The following AGAP1 variants were observed in gnomAD, a reference collection of about 807,000 sequenced individuals.
The protein encoded by AGAP1 is ArfGAP with GTPase domain, ankyrin repeat and PH domain 1, also known as arf-GAP with GTPase, ANK repeat and PH domain-containing protein 1.
In AGAP1, 29 loss-of-function variants were observed where a neutral mutation model predicts 105.3. The ratio of observed to expected loss-of-function variants is 0.28; its 90% CI spans 0.21 to 0.38. AGAP1 has a LOEUF of 0.38. Among genes scored for constraint, AGAP1 ranks in the 10% least tolerant of loss-of-function variants. The pLI is 1.00. For synonymous variants in AGAP1, 509 were observed against 485.9 expected (o/e 1.05, Z -0.63); for missense variants, 998 against 1,165.1 (o/e 0.86, Z 2.09).
At chr2:235,513,064 G>T (rs572054209) in intron 1 of AGAP1, among the ~76,000 whole-genome samples, 19 of 151,520 alleles carry the variant, frequency 1.3e-4, no homozygotes, top group African/African-American at 3.7e-4. Flanking sequence ...AGAAAATCTA[G>T]TTTGCACTTT....
At chr2:235,500,290 C>T (rs966220421) in intron 1 of AGAP1, among the ~76,000 whole-genome samples, 6 of 152,026 alleles carry the variant, frequency 3.9e-5, no homozygotes, top group East Asian at 1.9e-4. Flanking sequence ...CGAGAGCAAA[C>T]GTGAGTGTGT....
intron 13 of AGAP1, among the ~76,000 whole-genome samples, chr2:236,011,968 TTGA>T (rs2056527712): frequency 6.6e-6 from 1 of 152,036 alleles, no homozygotes; most frequent in African/African-American, 2.4e-5. Context: ...CAAGGTGTTA[TTGA>T]TGATAATAGG....
At chr2:235,884,452 G>GT (rs35976413) in intron 10 of AGAP1, among the ~76,000 whole-genome samples, 6,267 of 124,620 alleles carry the variant, frequency 0.05, 562 homozygotes, top group African/African-American at 0.17. Flanking sequence ...ATTTTTCACT[G>GT]TTTTTTTTTT....
At chr2:235,628,156 T>C (rs1464172174) in intron 1 of AGAP1, among the ~76,000 whole-genome samples, 2 of 152,048 alleles carry the variant, frequency 1.3e-5, no homozygotes, top group African/African-American at 4.8e-5. Context: ...AGTTCAGTGG[T>C]GAGCGGATGG....
At chr2:235,890,209 A>G (rs1806955) in intron 10 of AGAP1, among the ~76,000 whole-genome samples, 64,121 of 148,192 alleles carry the variant, frequency 0.43, 14,179 homozygotes, top group South Asian at 0.73. Context: ...CCCCCAGGCT[A>G]GAGTGCAGTG....
intron 13 of AGAP1, among the ~76,000 whole-genome samples, chr2:236,024,439 C>G (rs2056987429): frequency 6.6e-6 from 1 of 152,156 alleles, no homozygotes; most frequent in Non-Finnish European, 1.5e-5. Context: ...TCCCCAGACC[C>G]TTTCCCTGAG....
chr2:236,065,683 A>C (rs1416183246), intron 16 of AGAP1, among the ~76,000 whole-genome samples: 1 of 152,212 alleles, frequency 6.6e-6, no homozygotes, highest in African/African-American at 2.4e-5. Context: ...TTGTTGCCGG[A>C]ACACATCATC....
intron 1 of AGAP1, among the ~76,000 whole-genome samples, chr2:235,647,088 A>T (rs1207166446): frequency 2.0e-5 from 3 of 150,618 alleles, no homozygotes; most frequent in African/African-American, 7.3e-5. Context: ...GTGAACCGAG[A>T]TTGCGCCACT....
In AGAP1 at chr2:235,640,959, C is replaced by T. The variant is rs1475582378; in HGVS notation, c.164-68220C>T. Among the ~76,000 whole-genome samples, 3 of 152,338 alleles carry T rather than the reference C, an allele frequency of 2.0e-5. No homozygotes were observed. The South Asian group carries it at 6.2e-4, about 32-fold the overall frequency. ...CTCCACCTGTTTTCCTGCCTAATAA[C>T]AGTGTCTTTTATAGTTGTCTGATAA... On this transcript the variant is annotated intron_variant, in intron 1 of 17. Coordinates refer to ENST00000304032, the MANE Select transcript of AGAP1 (RefSeq NM_001037131.3).
chr2:235,526,453 C>T (rs1942842313), intron 1 of AGAP1, among the ~76,000 whole-genome samples: 1 of 152,232 alleles, frequency 6.6e-6, no homozygotes. Flanking sequence ...TTATAACTCA[C>T]ACCTGTTTAC....
chr2:235,892,801 C>G (rs2050607440), intron 10 of AGAP1, among the ~76,000 whole-genome samples: 1 of 152,130 alleles, frequency 6.6e-6, no homozygotes, highest in Non-Finnish European at 1.5e-5. Context: ...CATTTACACT[C>G]AGAGAAACTT....
In AGAP1 at chr2:235,982,697, G is replaced by A. The variant is rs1327771204; in HGVS notation, c.1645+14074G>A. On this transcript the variant is annotated intron_variant, in intron 13 of 17. Transcript: ENST00000304032. The surrounding 1 kb of genome is among the most constrained non-coding windows in gnomAD (Gnocchi z 4.9). ...TCGTGGAAGGAAAGAACCGAAGCCA[G>A]CCCTTGGCTGCCATTCTTTCCAGAC... Among the ~76,000 whole-genome samples the A allele has an allele frequency of 6.6e-6, 1 of 152,232 alleles. No homozygotes were observed. Among genetic ancestry groups the A allele is most frequent in the Non-Finnish European group, 1.5e-5 (1 of 68,044 alleles).
At chr2:236,100,083 G>A (rs111975973) in intron 16 of AGAP1, among the ~76,000 whole-genome samples, 102 of 152,156 alleles carry the variant, frequency 6.7e-4, no homozygotes, top group African/African-American at 2.3e-3. Context: ...GAGCAGAACC[G>A]AGCATGGGCC....
chr2:235,701,858 C>T lies in AGAP1; in HGVS notation c.164-7321C>T, dbSNP rs574426652. ...CAGCCTCCTCCGATGCTCCTCTCCT[C>T]TGTGGATGTACCATCTTTCTTCCAT... On this transcript the variant is annotated intron_variant, in intron 1 of 17. Transcript: ENST00000304032. The surrounding 1 kb of genome is among the most constrained non-coding windows in gnomAD (Gnocchi z 4.1). Among the ~76,000 whole-genome samples, 2 of 152,264 alleles carry T rather than the reference C, an allele frequency of 1.3e-5. No homozygotes were observed. The highest frequency in any genetic ancestry group is 6.5e-5 in the Admixed American group (1 of 15,288).
At chr2:236,016,349 T>A (rs184049542) in intron 13 of AGAP1, among the ~76,000 whole-genome samples, 49 of 151,720 alleles carry the variant, frequency 3.2e-4, no homozygotes, top group African/African-American at 1.1e-3. Flanking sequence ...TCATTTCTCC[T>A]CCCTGTGTCC....
Position 236,095,433 on chromosome 2 carries a change from C to G in AGAP1, c.2115-24759C>G, listed in dbSNP as rs1414100726. 1.3e-5 allele frequency among the ~76,000 whole-genome samples: 2 copies of G among 151,810 alleles called. No individual in the cohort carries two copies. On this transcript the variant is annotated intron_variant, in intron 16 of 17. Coordinates refer to ENST00000304032, the MANE Select transcript of AGAP1 (RefSeq NM_001037131.3). This position sits in a 1 kb window ranked among gnomAD's most constrained non-coding sequence, Gnocchi z 4.1. ...GTGGCTCACGTGTGTAATCCCAGCACTTTTGGAGGCTGAGGCTGGAGGATC... is the reference window on the plus strand; with the variant it reads ...GTGGCTCACGTGTGTAATCCCAGCAGTTTTGGAGGCTGAGGCTGGAGGATC...
At chr2:235,809,837 A>G (rs773247790) in intron 9 of AGAP1, among the ~76,000 whole-genome samples, 1 of 152,202 alleles carries the variant, frequency 6.6e-6, no homozygotes, top group Non-Finnish European at 1.5e-5. Context: ...TAGAAACTCA[A>G]CCAAATTATT....
rs976948155 is a variant in AGAP1 at position 235,971,620 on chromosome 2, G to A, written c.1645+2997G>A. On this transcript the variant is annotated intron_variant, in intron 13 of 17. Coordinates refer to ENST00000304032, the MANE Select transcript of AGAP1 (RefSeq NM_001037131.3). The surrounding 1 kb of genome is among the most constrained non-coding windows in gnomAD (Gnocchi z 4.8). ...CAGGAGAATGGCGTGAACCCAGGAG[G>A]TGGAGCTTGCAGTGAGCCGGGATGG... Among the ~76,000 whole-genome samples, 2 of 151,868 alleles carry A rather than the reference G, an allele frequency of 1.3e-5. No individual in the cohort carries two copies. The highest frequency in any genetic ancestry group is 4.8e-5 in the African/African-American group (2 of 41,394).
intron 9 of AGAP1, among the ~76,000 whole-genome samples, chr2:235,870,865 G>C (rs558185478): frequency 6.6e-6 from 1 of 152,310 alleles, no homozygotes; most frequent in Non-Finnish European, 1.5e-5. Context: ...TGTACTTAAA[G>C]TTGAGGGCCC....
Sources: gnomAD v4.1 joint callset for allele counts (sites outside exome capture counted in the v4.1 genomes callset) on GRCh38, gnomAD v4.1.1 for gene constraint, Gnocchi (gnomAD v3.1) non-coding constraint, MANE v1.5 for transcripts, NCBI Gene and HGNC (gene_info 2026-07-23, HGNC 2026-07-21) for gene names.